ERBB4: variants seen among roughly 807,000 people sequenced by gnomAD.
ERBB4 encodes receptor tyrosine-protein kinase erbB-4.
A neutral mutation model predicts 158.0 loss-of-function variants in ERBB4; 42 were observed. The ratio of observed to expected loss-of-function variants is 0.27; its 90% CI spans 0.21 to 0.34. The LOEUF (loss-of-function observed/expected upper bound fraction) is 0.34, where lower values mean the gene tolerates loss of function less well. Ranked by LOEUF, ERBB4 falls within the 10% of genes least tolerant of loss-of-function variation. ERBB4 has a pLI of 1.00. For synonymous variants in ERBB4, 583 were observed against 558.7 expected (o/e 1.04, Z -0.61); for missense variants, 1,333 against 1,624.1 (o/e 0.82, Z 3.08).
chr2:211,637,468 T>C (rs1438004409), intron 16 of ERBB4, among the ~76,000 whole-genome samples: 9 of 152,072 alleles, frequency 5.9e-5, no homozygotes, highest in Non-Finnish European at 1.0e-4. Context: ...GCACACAGGG[T>C]GTCACTAGCA....
chr2:212,248,885 T>C (rs2084412141), intron 1 of ERBB4, among the ~76,000 whole-genome samples: 1 of 152,150 alleles, frequency 6.6e-6, no homozygotes, highest in Non-Finnish European at 1.5e-5. Context: ...AGCTATAGTA[T>C]CTGAAGCCAC....
chr2:211,785,409 G>T (rs756851467), intron 4 of ERBB4, among the ~76,000 whole-genome samples: 1 of 152,104 alleles, frequency 6.6e-6, no homozygotes, highest in African/African-American at 2.4e-5. Context: ...CCGCACAGAC[G>T]TTTTTAAGTT....
chr2:212,141,619 C>A (rs2080481024), intron 1 of ERBB4, among the ~76,000 whole-genome samples: 1 of 151,948 alleles, frequency 6.6e-6, no homozygotes. Flanking sequence ...AAATGGCACC[C>A]CTTTCACTAA....
At chr2:212,218,254 C>T (rs1413026563) in intron 1 of ERBB4, among the ~76,000 whole-genome samples, 1 of 151,218 alleles carries the variant, frequency 6.6e-6, no homozygotes, top group East Asian at 1.9e-4. Flanking sequence ...TGAATAATAT[C>T]TGAAGTACAA....
intron 1 of ERBB4, among the ~76,000 whole-genome samples, chr2:212,181,931 T>C (rs1026048684): frequency 6.6e-6 from 1 of 151,752 alleles, no homozygotes; most frequent in African/African-American, 2.4e-5. Flanking sequence ...TTAGAAATAC[T>C]TTTGTGAGAT....
chr2:211,610,756 C>G (rs1242029919), intron 19 of ERBB4, among the ~76,000 whole-genome samples: 1 of 152,098 alleles, frequency 6.6e-6, no homozygotes, highest in African/African-American at 2.4e-5. Context: ...ATGTCTTCAA[C>G]AGACAACTGA....
At chr2:211,814,712 C>T (rs563286733) in intron 3 of ERBB4, among the ~76,000 whole-genome samples, 31 of 152,158 alleles carry the variant, frequency 2.0e-4, no homozygotes, top group African/African-American at 7.2e-4. Flanking sequence ...GGTAGAAACT[C>T]ACTTATCTGG....
intron 19 of ERBB4, among the ~76,000 whole-genome samples, chr2:211,592,908 G>A (rs1053505755): frequency 2.6e-5 from 4 of 152,070 alleles, no homozygotes; most frequent in African/African-American, 9.7e-5. Context: ...CTACTTGGGA[G>A]GCTGAGGCAG....
At chr2:212,353,759 C>G (rs1388413348) in intron 1 of ERBB4, among the ~76,000 whole-genome samples, 1 of 151,826 alleles carries the variant, frequency 6.6e-6, no homozygotes, top group Non-Finnish European at 1.5e-5. Flanking sequence ...TAAGTGGGCA[C>G]CAGATCATAA....
At chr2:211,491,308 G>A (rs1314954262) in intron 20 of ERBB4, among the ~76,000 whole-genome samples, 4 of 151,982 alleles carry the variant, frequency 2.6e-5, no homozygotes, top group African/African-American at 7.2e-5. Context: ...TAAGGTCTAG[G>A]GAGATGAAGT....
rs576480427 is a variant in ERBB4, at chr2:211,794,717, C to T, written c.422-6558G>A. Among the ~76,000 whole-genome samples the T allele has an allele frequency of 5.9e-4, 89 of 151,812 alleles. 1 individual carries two copies. Among genetic ancestry groups the T allele is most frequent in the African/African-American group, 1.9e-3 (80 of 41,466 alleles). ...TCCACTTAAACTCATTGATATTCCC[C>T]GGAAAAAATTAAAACTATATTTTAT... On this transcript the variant is annotated intron_variant, in intron 3 of 27. Coordinates refer to ENST00000342788, the MANE Select transcript of ERBB4 (RefSeq NM_005235.3).
intron 1 of ERBB4, among the ~76,000 whole-genome samples, chr2:212,382,123 A>G (rs533815749): frequency 6.6e-6 from 1 of 150,776 alleles, no homozygotes; most frequent in South Asian, 2.1e-4. Context: ...ACACACATAC[A>G]TATACACACA....
chr2:211,934,716 A>T (rs777208311), intron 3 of ERBB4, among the ~76,000 whole-genome samples: 3 of 151,966 alleles, frequency 2.0e-5, no homozygotes, highest in Non-Finnish European at 2.9e-5. Flanking sequence ...AAAGGCTATG[A>T]AGTCCGTGCC....
chr2:211,781,864 T>C (rs977131717), intron 4 of ERBB4, among the ~76,000 whole-genome samples: 1 of 152,146 alleles, frequency 6.6e-6, no homozygotes, highest in Non-Finnish European at 1.5e-5. Flanking sequence ...CTGGCAGGCC[T>C]CCTGGGGCTT....
chr2:211,629,907 T>C (rs1362238719), intron 17 of ERBB4, among the ~76,000 whole-genome samples: 2 of 152,140 alleles, frequency 1.3e-5, no homozygotes, highest in Admixed American at 1.3e-4. Context: ...CAAGATGGAT[T>C]AAAGATTTAA....
At chr2:211,749,636 A>G (rs568918655) in intron 5 of ERBB4, among the ~76,000 whole-genome samples, 1 of 152,140 alleles carries the variant, frequency 6.6e-6, no homozygotes, top group Non-Finnish European at 1.5e-5. Context: ...TTTTTCCTAT[A>G]TTTTTATTCT....
intron 15 of ERBB4, among the ~76,000 whole-genome samples, chr2:211,664,019 C>A (rs538797199): frequency 1.3e-5 from 2 of 151,968 alleles, no homozygotes; most frequent in African/African-American, 2.4e-5. Context: ...TAAATGTATA[C>A]GTGCTTATAT....
At chr2:212,318,898 G>A (rs1376680603) in intron 1 of ERBB4, among the ~76,000 whole-genome samples, 1 of 151,552 alleles carries the variant, frequency 6.6e-6, no homozygotes, top group East Asian at 2.0e-4. Flanking sequence ...CTGGCCAATG[G>A]CATTTTGCTA....
intron 2 of ERBB4, among the ~76,000 whole-genome samples, chr2:212,124,385 A>G (rs920232244): frequency 2.0e-5 from 3 of 152,134 alleles, no homozygotes; most frequent in African/African-American, 7.2e-5. Context: ...GAAGTGGCAG[A>G]AAAGAGGCAG....
Sources: gnomAD v4.1 joint callset for allele counts (sites outside exome capture counted in the v4.1 genomes callset) on GRCh38, gnomAD v4.1.1 for gene constraint, MANE v1.5 for transcripts, NCBI Gene and HGNC (gene_info 2026-07-23, HGNC 2026-07-21) for gene names.